NDRG2: variants seen among roughly 807,000 people sequenced by gnomAD.
NDRG2 encodes protein NDRG2.
NDRG2 carries 34 observed loss-of-function variants against 58.2 expected under a neutral mutation model. That is an observed-to-expected ratio of 0.58 (90% CI 0.44 to 0.78). The LOEUF is 0.78. NDRG2 is among the 30% of genes least tolerant of loss of function. NDRG2 has a pLI of 0.00. For missense variants in NDRG2, 434 were observed against 471.2 expected (o/e 0.92, Z 0.73); for synonymous variants, 187 against 175.9 (o/e 1.06, Z -0.50).
upstream of NDRG2, among the ~76,000 whole-genome samples, chr14:21,029,696 C>A (rs1883929106): frequency 6.6e-6 from 1 of 152,148 alleles, no homozygotes; most frequent in South Asian, 2.1e-4. Context: ...TTTATGAGGG[C>A]AGAGCCTTTC....
At chr14:21,020,883 C>T (rs1189619644) in intron 6 of NDRG2, 39 bp from the exon 7 acceptor site, 2 of 1,605,578 alleles carry the variant, frequency 1.2e-6, no homozygotes, top group Non-Finnish European at 1.7e-6. Flanking sequence ...ATGGGATCTG[C>T]TGTCCAAAAC....
In NDRG2 at chr14:21,020,596, G is replaced by A; in HGVS notation, c.469-14C>T. Reference sequence around the variant, plus strand: ...CGGGTGGTTAAGCTGAGGGACAGCAGAAGGAAGGAAATGAGAAACAGGGCA... The same window carrying A: ...CGGGTGGTTAAGCTGAGGGACAGCAAAAGGAAGGAAATGAGAAACAGGGCA... On this transcript the variant is annotated splice_polypyrimidine_tract_variant and intron_variant, in intron 7 of 15. Coordinates refer to ENST00000556147, the MANE Select transcript of NDRG2 (RefSeq NM_001320329.2). 3 of 1,612,326 alleles carry A rather than the reference G, an allele frequency of 1.9e-6. No individual in the cohort carries two copies. The highest frequency in any genetic ancestry group is 2.5e-6 in the Non-Finnish European group (3 of 1,178,968).
At chr14:21,034,666 T>C (rs17099500) in intron 1 of NDRG2, 30,560 of 197,172 alleles carry the variant, frequency 0.15, 2,801 homozygotes, top group African/African-American at 0.26. Context: ...CTGACAATTC[T>C]CTGGCAGCTG....
chr14:21,027,709 A>G (rs1883791547), upstream of NDRG2, among the ~76,000 whole-genome samples: 1 of 152,224 alleles, frequency 6.6e-6, no homozygotes, highest in South Asian at 2.1e-4. Context: ...CTCTTTATAC[A>G]TACAGATTCT....
At chr14:21,027,041 G>T (rs977709301), upstream of NDRG2, among the ~76,000 whole-genome samples, 1 of 152,128 alleles carries the variant, frequency 6.6e-6, no homozygotes, top group Admixed American at 6.5e-5. Flanking sequence ...ATCTAAATTC[G>T]TCTCTGGGTC....
At chr14:21,022,709 G>A in intron 3 of NDRG2, 155 bp downstream of exon 3, 1 of 701,804 alleles carries the variant, frequency 1.4e-6, no homozygotes, top group Non-Finnish European at 2.4e-6. Context: ...GAGAAGAGGA[G>A]GGGAAGGAAG....
At chr14:21,034,267 G>A in intron 1 of NDRG2, 1 of 1,612,918 alleles carries the variant, frequency 6.2e-7, no homozygotes, top group Non-Finnish European at 8.5e-7. Flanking sequence ...AGGAAAAGGA[G>A]CCGGGTCACA....
chr14:21,053,502 C>T (rs1885555066), intron 1 of NDRG2, among the ~76,000 whole-genome samples: 1 of 152,086 alleles, frequency 6.6e-6, no homozygotes, highest in Non-Finnish European at 1.5e-5. Context: ...CAGTGGGTGT[C>T]TGTAATCCCA....
chr14:21,024,392 G>A lies in NDRG2; in HGVS notation c.-369C>T. ...ACCTCCGGATTCGAATCCCGGCTCT[G>A]CCACTCCCAGTGTGACCTTGCCCCA... On this transcript the variant is annotated 5_prime_UTR_variant, in exon 1 of 16. Coordinates refer to ENST00000556147, the MANE Select transcript of NDRG2 (RefSeq NM_001320329.2). The A allele has an allele frequency of 2.2e-6, 2 of 906,860 alleles. No individual in the cohort carries two copies. Among genetic ancestry groups the A allele is most frequent in the Non-Finnish European group, 2.6e-6 (2 of 758,480 alleles). The allele number at this position is 906,860 out of a possible 1,614,324, so 56.2% of individuals were successfully genotyped here.
intron 1 of NDRG2, chr14:21,031,960 G>T: frequency 1.2e-6 from 2 of 1,614,178 alleles, no homozygotes; most frequent in Non-Finnish European, 8.5e-7. Context: ...CCCACAAGGA[G>T]CGCTTTGATG....
At chr14:21,029,118 G>C (rs1296638461), upstream of NDRG2, 1 of 152,168 alleles carries the variant, frequency 6.6e-6, no homozygotes, top group Non-Finnish European at 1.5e-5. Flanking sequence ...TATACTCCAA[G>C]GCTTGCTGGG....
chr14:21,031,410 C>G (rs779887382), intron 1 of NDRG2: 2 of 494,330 alleles, frequency 4.0e-6, no homozygotes, highest in Non-Finnish European at 6.9e-6. Context: ...CTGAGCCAGG[C>G]AATTAGGGCT....
rs561475383 is a variant in NDRG2, at chr14:21,025,055, T to C, written c.-1032A>G. 3 of 985,644 alleles carry C rather than the reference T, an allele frequency of 3.0e-6. No homozygotes were observed. Among genetic ancestry groups the C allele is most frequent in the East Asian group, 1.1e-4 (1 of 8,770 alleles). The allele number at this position is 985,644 out of a possible 1,614,324, so 61.1% of individuals were successfully genotyped here. ...TGCTGCCGCCGCGGCCGCTTCCACC[T>C]TCACTTGCCTTTGACTCGGGCCCGC... On this transcript the variant is annotated 5_prime_UTR_variant, in exon 1 of 16. Coordinates refer to ENST00000556147, the MANE Select transcript of NDRG2 (RefSeq NM_001320329.2). This position sits in a 1 kb window ranked among gnomAD's most constrained non-coding sequence, Gnocchi z 5.1.
chr14:21,069,872 T>C (rs1886542659), intron 1 of NDRG2, among the ~76,000 whole-genome samples: 1 of 152,110 alleles, frequency 6.6e-6, no homozygotes, highest in Non-Finnish European at 1.5e-5. Context: ...CGGGGAGGCT[T>C]TCCAGCCGCA....
At chr14:21,030,455 G>A (rs1883996968), upstream of NDRG2, 19 of 940,880 alleles carry the variant, frequency 2.0e-5, 1 homozygote, top group South Asian at 3.2e-4. Context: ...AGGGAAGAGG[G>A]GAGCTGTTCC....
At chr14:21,022,328 C>A (rs1880957307) in intron 4 of NDRG2, 64 bp downstream of exon 4, 4 of 1,579,722 alleles carry the variant, frequency 2.5e-6, no homozygotes, top group South Asian at 1.1e-5. Flanking sequence ...CTCTGGGTTT[C>A]ATTTCTACCC....
At chr14:21,025,864 G>A (rs575064497), upstream of NDRG2, 49 of 309,484 alleles carry the variant, frequency 1.6e-4, no homozygotes, top group East Asian at 7.5e-3. This position sits in a 1 kb window ranked among gnomAD's most constrained non-coding sequence, Gnocchi z 5.1. Flanking sequence ...AAGGGGCGCG[G>A]GGGAGGGGCC....
intron 1 of NDRG2, chr14:21,057,912 G>A (rs375693218): frequency 1.2e-6 from 2 of 1,613,842 alleles, no homozygotes; most frequent in African/African-American, 2.7e-5. Context: ...GCCAGAGCAG[G>A]ATGCTGCCCC....
intron 1 of NDRG2, among the ~76,000 whole-genome samples, chr14:21,059,138 C>T (rs1885819480): frequency 6.6e-6 from 1 of 152,174 alleles, no homozygotes; most frequent in South Asian, 2.1e-4. Context: ...AGGCCTGACC[C>T]CCTTGTGTGT....
Sources: gnomAD v4.1 joint callset for allele counts (sites outside exome capture counted in the v4.1 genomes callset) on GRCh38, gnomAD v4.1.1 for gene constraint, Gnocchi (gnomAD v3.1) non-coding constraint, MANE v1.5 for transcripts, NCBI Gene and HGNC (gene_info 2026-07-23, HGNC 2026-07-21) for gene names.